Variants in TRAF3IP3 observed in about 807,000 individuals in gnomAD.
TRAF3IP3 encodes TRAF3-interacting JNK-activating modulator.
Under a neutral mutation model 86.5 loss-of-function variants are expected in TRAF3IP3, and 64 were observed. The ratio of observed to expected loss-of-function variants is 0.74; its 90% confidence interval spans 0.60 to 0.91. The LOEUF (loss-of-function observed/expected upper bound fraction) is 0.91. Among genes scored for constraint, TRAF3IP3 ranks in the 40% least tolerant of loss-of-function variants. The probability of loss-of-function intolerance (pLI) is 0.00; values close to 1 mark genes in which losing one functional copy is unlikely to be tolerated. For missense variants in TRAF3IP3, 579 were observed against 642.9 expected (o/e 0.90, Z 1.07); for synonymous variants, 220 against 243.9 (o/e 0.90, Z 0.91).
At chr1:209,778,245 A>C (rs2077700317) in intron 13 of TRAF3IP3, 72 bp downstream of exon 13, 1 of 1,295,170 alleles carries the variant, frequency 7.7e-7, no homozygotes, top group Non-Finnish European at 1.1e-6. Flanking sequence ...AGGCACCCAG[A>C]GTAGGGACTA....
intron 3 of TRAF3IP3, 49 bp downstream of exon 3, chr1:209,760,433 G>A (rs1186943455): frequency 1.4e-6 from 2 of 1,463,598 alleles, no homozygotes; most frequent in African/African-American, 2.8e-5. Context: ...GACCCTCTCT[G>A]GACAAGGAGG....
chr1:209,771,125 C>T (rs1390907638), intron 8 of TRAF3IP3, among the ~76,000 whole-genome samples: 3 of 113,118 alleles, frequency 2.7e-5, no homozygotes, highest in Non-Finnish European at 1.8e-5. Context: ...TGGAAGTGTG[C>T]GTGTGCATAT....
At chr1:209,760,985 T>A (rs530278940) in intron 3 of TRAF3IP3, among the ~76,000 whole-genome samples, 1 of 152,224 alleles carries the variant, frequency 6.6e-6, no homozygotes, top group Non-Finnish European at 1.5e-5. Flanking sequence ...CTAATGCCTA[T>A]ATCAGTTCAA....
intron 8 of TRAF3IP3, among the ~76,000 whole-genome samples, chr1:209,772,083 G>A (rs191566151): frequency 2.0e-5 from 3 of 152,200 alleles, no homozygotes; most frequent in Admixed American, 2.0e-4. Context: ...AGGTGTGTGT[G>A]TGCATGTGGA....
intron 1 of TRAF3IP3, among the ~76,000 whole-genome samples, chr1:209,757,310 C>T (rs1380388533): frequency 6.6e-6 from 1 of 152,204 alleles, no homozygotes; most frequent in Non-Finnish European, 1.5e-5. Context: ...GAGACCTCAT[C>T]TCAGGCACTG....
At chr1:209,760,528 A>G in intron 3 of TRAF3IP3, 144 bp downstream of exon 3, 1 of 701,054 alleles carries the variant, frequency 1.4e-6, no homozygotes, top group Non-Finnish European at 2.3e-6. Flanking sequence ...AGAGCTACTT[A>G]TAGTAAAGTT....
At chr1:209,758,650 G>C (rs971073390) in intron 1 of TRAF3IP3, 2 of 152,240 alleles carry the variant, frequency 1.3e-5, no homozygotes, top group African/African-American at 4.8e-5. Flanking sequence ...CCTCCTCCCA[G>C]GGTGGTGGGT....
rs1558026989 is a variant in TRAF3IP3, at chr1:209,775,493, TG to T, written c.915+8del. 20 of 1,614,050 alleles carry T rather than the reference TG, an allele frequency of 1.2e-5. No homozygotes were observed. Among genetic ancestry groups the T allele is most frequent in the Non-Finnish European group, 1.7e-5 (20 of 1,179,994 alleles). ...GCAGCAACTACAGAGCACACAGGTA[TG>T]GGGATGCCACATAGACATGGGGCTG... is the stretch of plus-strand genomic sequence containing the variant. On this transcript the variant is annotated splice_donor_5th_base_variant and intron_variant, in intron 10 of 16. Coordinates refer to ENST00000367025, the MANE Select transcript of TRAF3IP3 (RefSeq NM_025228.4).
At chr1:209,779,712 C>A (rs2077736168) in intron 14 of TRAF3IP3, 2 of 589,494 alleles carry the variant, frequency 3.4e-6, no homozygotes, top group East Asian at 2.8e-5. Flanking sequence ...ACTCCCCAGC[C>A]CCAAACCACA....
At chr1:209,775,193 T>C in intron 9 of TRAF3IP3, 156 bp from the exon 10 acceptor site, 1 of 698,976 alleles carries the variant, frequency 1.4e-6, no homozygotes, top group Non-Finnish European at 2.4e-6. Context: ...CCTGAGGGAC[T>C]CTTCTTGCTA....
chr1:209,770,784 T>C (rs2077470356), intron 8 of TRAF3IP3, among the ~76,000 whole-genome samples: 1 of 132,908 alleles, frequency 7.5e-6, no homozygotes, highest in Non-Finnish European at 1.6e-5. Flanking sequence ...TATGGAGGTG[T>C]GTGTGTGTGC....
intron 8 of TRAF3IP3, among the ~76,000 whole-genome samples, chr1:209,770,246 C>T (rs182194239): frequency 3.0e-4 from 46 of 152,354 alleles, no homozygotes; most frequent in Admixed American, 1.4e-3. Context: ...TAATATCTCT[C>T]CGTTTCTTGC....
At position 209,781,621 on chromosome 1, in the gene TRAF3IP3, AC is replaced by A. The variant is rs2077782344; in HGVS notation, c.1563+164del. The A allele has an allele frequency of 1.3e-5, 7 of 541,492 alleles. No homozygotes were observed. The East Asian group carries it at 2.2e-4, about 17-fold the overall frequency. The allele number at this position is 541,492 out of a possible 1,614,324, so 33.5% of individuals were successfully genotyped here. On this transcript the variant is annotated intron_variant, in intron 16 of 16. Coordinates refer to ENST00000367025, the MANE Select transcript of TRAF3IP3 (RefSeq NM_025228.4). The stretch of plus-strand genomic sequence containing the variant: ...GACATTATGGCAACCATTGAAAAAA[AC>A]ACTGGCTCGTCCATCAAAGCCCAAC...
chr1:209,768,112 A>T, intron 8 of TRAF3IP3: 3 of 984,644 alleles, frequency 3.0e-6, no homozygotes, highest in Non-Finnish European at 3.6e-6. Context: ...CTCAACTCCA[A>T]TAAAAGTATA....
intron 8 of TRAF3IP3, among the ~76,000 whole-genome samples, chr1:209,771,460 A>AAGGTGTGCGTGTGCATATGG (rs2077520204): frequency 6.4e-5 from 4 of 62,192 alleles, no homozygotes; most frequent in African/African-American, 2.6e-4. Context: ...TGTGCATGTG[A>AAGGTGTGCGTGTGCATATGG]AGGTGTGCGT....
chr1:209,780,044 A>G (rs1284512934), intron 14 of TRAF3IP3: 2 of 157,306 alleles, frequency 1.3e-5, no homozygotes, highest in African/African-American at 4.8e-5. Context: ...ACCATCTTTA[A>G]CCATATGAAG....
chr1:209,760,352 T>C lies in TRAF3IP3; in HGVS notation c.313T>C (p.Cys105Arg), dbSNP rs757736176. 6.2e-7 allele frequency: 1 copy of C among 1,609,776 alleles called. No homozygotes were observed. Among genetic ancestry groups the C allele is most frequent in the Non-Finnish European group, 8.5e-7 (1 of 1,178,014 alleles). Residue 105 changes from cysteine (C) to arginine (R), a missense_variant, in exon 3 of 17, where the codon TGT (cysteine) becomes CGT (arginine). Transcript: ENST00000367025. ...QVTVLKEPLSCARRISSPREQ... is the reference protein window; with the variant it reads ...QVTVLKEPLSRARRISSPREQ... The stretch of plus-strand genomic sequence containing the variant: ...GACTGTCCTCAAGGAACCCTTGTCT[T>C]GTGCCAGAAGGATTTCTTCTCCCAG...
At chr1:209,762,264 G>A (rs1421622975) in intron 3 of TRAF3IP3, among the ~76,000 whole-genome samples, 2 of 152,168 alleles carry the variant, frequency 1.3e-5, no homozygotes, top group African/African-American at 4.8e-5. Flanking sequence ...GCTCTCTCGT[G>A]TCTCTTCTAA....
In TRAF3IP3 at chr1:209,757,895, T is replaced by C. The variant is rs79256497; in HGVS notation, c.-159-1139T>C. ...ACCTACAAGGCAGGTCCTAGCCCCA[T>C]TTTATAAATGAGGAGACTGGGGCTT... On this transcript the variant is annotated intron_variant, in intron 1 of 16. Transcript: ENST00000367025. Among the ~76,000 whole-genome samples the C allele has an allele frequency of 4.6e-3, 703 of 152,334 alleles. 4 individuals are homozygous for C. Among genetic ancestry groups the C allele is most frequent in the African/African-American group, 0.015 (618 of 41,582 alleles).
Sources: gnomAD v4.1 joint callset for allele counts (sites outside exome capture counted in the v4.1 genomes callset) on GRCh38, gnomAD v4.1.1 for gene constraint, MANE v1.5 for transcripts, NCBI Gene and HGNC (gene_info 2026-07-23, HGNC 2026-07-21) for gene names.